The following TRPS1 variants were observed in gnomAD, a reference collection of about 807,000 sequenced individuals.
The protein encoded by TRPS1 is zinc finger transcription factor Trps1.
In TRPS1, 6 loss-of-function variants were observed where a neutral mutation model predicts 101.2. The observed-to-expected ratio is 0.06, with a 90% CI of 0.03 to 0.12. TRPS1 has a LOEUF of 0.12. TRPS1 is among the 10% of genes least tolerant of loss of function. The pLI is 1.00. For missense variants in TRPS1, 1,363 were observed against 1,567.0 expected, an observed-to-expected ratio of 0.87 and a Z score of 2.20; for synonymous variants, 578 against 589.8, an observed-to-expected ratio of 0.98 and a Z score of 0.29.
intron 5 of TRPS1, among the ~76,000 whole-genome samples, chr8:115,584,309 C>T (rs926404380): frequency 6.6e-6 from 1 of 151,702 alleles, no homozygotes; most frequent in African/African-American, 2.4e-5. Flanking sequence ...TCTATTAATG[C>T]TATATTGAAA....
chr8:115,470,893 T>G (rs761821793), intron 5 of TRPS1, among the ~76,000 whole-genome samples: 1 of 152,150 alleles, frequency 6.6e-6, no homozygotes, highest in Non-Finnish European at 1.5e-5. Flanking sequence ...TTAGATGGAG[T>G]TGATATTTAG....
rs1189759190 is a variant in TRPS1 at position 115,536,418 on chromosome 8, G to T, written c.2700+50583C>A. On this transcript the variant is annotated intron_variant, in intron 5 of 6. Transcript: ENST00000395715. ...GGCGCCTGTAGTCCCAGCTACTCAG[G>T]AGCCTGAGGCAGGAGAATGGCGTGA... 2.0e-5 allele frequency among the ~76,000 whole-genome samples: 3 copies of T among 151,018 alleles called. No homozygotes were observed. In the East Asian group the frequency reaches 5.9e-4, roughly 30 times the overall value.
intron 5 of TRPS1, among the ~76,000 whole-genome samples, chr8:115,500,170 T>C (rs548399584): frequency 2.0e-5 from 3 of 151,600 alleles, no homozygotes; most frequent in African/African-American, 7.3e-5. Context: ...GCTGGGATTA[T>C]AGGCACGCAG....
At chr8:115,667,134 G>A (rs1362335431) in intron 1 of TRPS1, among the ~76,000 whole-genome samples, 1 of 152,086 alleles carries the variant, frequency 6.6e-6, no homozygotes, top group Non-Finnish European at 1.5e-5. Flanking sequence ...AAGTAAAGCC[G>A]GTCCTAAAAT....
chr8:115,551,604 C>T (rs979549588), intron 5 of TRPS1, among the ~76,000 whole-genome samples: 1 of 152,052 alleles, frequency 6.6e-6, no homozygotes, highest in Admixed American at 6.6e-5. Flanking sequence ...AGAAGCAAAG[C>T]AGATTTTGAT....
chr8:115,665,879 C>A (rs190790532), intron 1 of TRPS1, among the ~76,000 whole-genome samples: 3 of 152,176 alleles, frequency 2.0e-5, no homozygotes, highest in Admixed American at 1.3e-4. Context: ...AAGTGTTAGA[C>A]TTAGGTATTA....
At chr8:115,576,991 A>G (rs3808456) in intron 5 of TRPS1, among the ~76,000 whole-genome samples, 105,458 of 152,078 alleles carry the variant, frequency 0.69, 38,040 homozygotes, top group African/African-American at 0.9. Flanking sequence ...AGATTTTTCT[A>G]TATTACCAGG....
chr8:115,589,018 C>A (rs1229456367), intron 4 of TRPS1, among the ~76,000 whole-genome samples: 1 of 152,010 alleles, frequency 6.6e-6, no homozygotes, highest in Admixed American at 6.6e-5. Flanking sequence ...GTATAAAGGG[C>A]TGCGTAGGTA....
intron 1 of TRPS1, among the ~76,000 whole-genome samples, chr8:115,656,053 T>C (rs565142157): frequency 3.9e-4 from 59 of 152,258 alleles, no homozygotes; most frequent in Non-Finnish European, 7.4e-4. Flanking sequence ...ATGAGCTCTC[T>C]CAGAATCAAT....
intron 1 of TRPS1, among the ~76,000 whole-genome samples, chr8:115,625,477 C>T (rs550982960): frequency 8.6e-5 from 13 of 151,976 alleles, no homozygotes; most frequent in Admixed American, 2.0e-4. Context: ...AAACCACCGG[C>T]GCCAAGGGTG....
At chr8:115,492,785 C>A (rs1216311082) in intron 5 of TRPS1, among the ~76,000 whole-genome samples, 2 of 152,062 alleles carry the variant, frequency 1.3e-5, no homozygotes, top group Non-Finnish European at 2.9e-5. Context: ...AAGATCTCGG[C>A]TCACTGCAAC....
At chr8:115,483,198 T>A (rs1814798083) in intron 5 of TRPS1, among the ~76,000 whole-genome samples, 1 of 152,122 alleles carries the variant, frequency 6.6e-6, no homozygotes, top group Non-Finnish European at 1.5e-5. Context: ...GTGATTAGAA[T>A]GTTCTAGGCA....
chr8:115,644,790 G>GGTCAT (rs1489534496), intron 1 of TRPS1, among the ~76,000 whole-genome samples: 2 of 152,110 alleles, frequency 1.3e-5, no homozygotes, highest in Non-Finnish European at 2.9e-5. Flanking sequence ...AACACTTAGA[G>GGTCAT]GTCATTGTAG....
Position 115,408,632 on chromosome 8 carries a change from T to C in TRPS1, c.*5391A>G, listed in dbSNP as rs1563704634. 1 of 151,214 alleles carries C rather than the reference T, an allele frequency of 6.6e-6. No homozygotes were observed. The highest frequency in any genetic ancestry group is 6.6e-5 in the Admixed American group (1 of 15,060). 9.4% of individuals were successfully genotyped at this position (151,214 alleles called of 1,614,324 possible). A position where few individuals can be genotyped will look rare whatever the true frequency, so the allele number is the denominator to read the frequency against. ...ATGAACATGCACTATGAAAACAAAA[T>C]AAAATAAAACGAAAAAATTTCATGT... On this transcript the variant is annotated 3_prime_UTR_variant, in exon 7 of 7. Transcript: ENST00000395715.
intron 5 of TRPS1, among the ~76,000 whole-genome samples, chr8:115,552,812 A>C (rs763741719): frequency 6.6e-6 from 1 of 152,076 alleles, no homozygotes; most frequent in Non-Finnish European, 1.5e-5. Context: ...TATACAACTC[A>C]TTGAAGGTAC....
At chr8:115,586,537 G>T (rs1817564209) in intron 5 of TRPS1, among the ~76,000 whole-genome samples, 1 of 152,128 alleles carries the variant, frequency 6.6e-6, no homozygotes, top group Admixed American at 6.5e-5. Context: ...AAAAAACTCC[G>T]TATTTTGGTA....
chr8:115,445,642 G>A (rs538406216), intron 5 of TRPS1, among the ~76,000 whole-genome samples: 37 of 152,238 alleles, frequency 2.4e-4, no homozygotes, highest in Non-Finnish European at 2.4e-4. Flanking sequence ...CTAACAAAAT[G>A]AGAAGAATTA....
Position 115,604,846 on chromosome 8 carries a change from T to C in TRPS1, c.1123A>G (p.Ile375Val). Residue 375 changes from isoleucine (I) to valine (V), a missense_variant, in exon 4 of 7, where the codon ATA becomes GTA. By Grantham distance (29) the Ile-to-Val change is conservative. Coordinates refer to ENST00000395715, the MANE Select transcript of TRPS1 (RefSeq NM_014112.5). This position sits in a 1 kb window ranked among gnomAD's most constrained non-coding sequence, Gnocchi z 4.1. ...QHFLQTHPNK[I>V]KASLPSSEVA... The stretch of plus-strand genomic sequence containing the variant: ...TCAGAGGAGGGGAGAGAAGCTTTTA[T>C]TTTGTTTGGGTGAGTCTGAAGAAAA... The C allele has an allele frequency of 6.2e-7, 1 of 1,614,122 alleles. No homozygotes were observed. Among genetic ancestry groups the C allele is most frequent in the Non-Finnish European group, 8.5e-7 (1 of 1,180,002 alleles).
At chr8:115,460,151 A>C (rs1814131247) in intron 5 of TRPS1, among the ~76,000 whole-genome samples, 2 of 152,104 alleles carry the variant, frequency 1.3e-5, no homozygotes, top group African/African-American at 4.8e-5. Context: ...ACTTACACAT[A>C]GTGTTCAATA....
Sources: gnomAD v4.1 joint callset for allele counts (sites outside exome capture counted in the v4.1 genomes callset) on GRCh38, gnomAD v4.1.1 for gene constraint, Gnocchi (gnomAD v3.1) non-coding constraint, MANE v1.5 for transcripts, NCBI Gene and HGNC (gene_info 2026-07-23, HGNC 2026-07-21) for gene names.